PBX3: variants seen among roughly 807,000 people sequenced by gnomAD.
PBX3 encodes pre-B-cell leukemia transcription factor 3.
In PBX3, 14 loss-of-function variants were observed where a neutral mutation model predicts 48.5. The observed-to-expected ratio is 0.29, with a 90% CI of 0.19 to 0.45. The LOEUF (loss-of-function observed/expected upper bound fraction) is 0.45. Ranked by LOEUF, PBX3 falls within the 20% of genes least tolerant of loss-of-function variation. The pLI is 1.00. For missense variants in PBX3, 386 were observed against 546.7 expected, an observed-to-expected ratio of 0.71 and a Z score of 2.93; for synonymous variants, 210 against 200.3, an observed-to-expected ratio of 1.05 and a Z score of -0.41.
chr9:125,949,377 G>A (rs1216741157), intron 5 of PBX3: 4 of 1,550,574 alleles, frequency 2.6e-6, no homozygotes, highest in Non-Finnish European at 2.6e-6. Context: ...CGGGCATACA[G>A]AGTCTTGTAA....
At chr9:125,915,500 C>T (rs767892688) in intron 2 of PBX3, among the ~76,000 whole-genome samples, 186 bp from the exon 3 acceptor site, 17 of 152,078 alleles carry the variant, frequency 1.1e-4, no homozygotes, top group Non-Finnish European at 5.9e-5. Context: ...CATGTAAACA[C>T]TATCTTAAAA....
At chr9:125,855,602 G>C (rs1346590798) in intron 2 of PBX3, among the ~76,000 whole-genome samples, 4 of 152,034 alleles carry the variant, frequency 2.6e-5, no homozygotes, top group African/African-American at 9.7e-5. Flanking sequence ...TCAAAACTAT[G>C]CTTTTGCTAG....
chr9:125,790,115 A>C (rs886636254), intron 2 of PBX3, among the ~76,000 whole-genome samples: 1 of 152,254 alleles, frequency 6.6e-6, no homozygotes, highest in African/African-American at 2.4e-5. Flanking sequence ...GTGTATAATA[A>C]GAAAGTGGGA....
In PBX3 at chr9:125,856,393, T is replaced by G. The variant is rs180754918; in HGVS notation, c.275-59293T>G. ...TGTGATACAGTTATTGACTCTAATC[T>G]GGGCATAAACACAAGTCCTCAAGCA... On this transcript the variant is annotated intron_variant, in intron 2 of 8. Coordinates refer to ENST00000373489, the MANE Select transcript of PBX3 (RefSeq NM_006195.6). 5.3e-5 allele frequency among the ~76,000 whole-genome samples: 8 copies of G among 152,246 alleles called. No homozygotes were observed. The East Asian group carries it at 1.5e-3, about 29-fold the overall frequency.
At chr9:125,937,929 G>A (rs1453267861) in intron 5 of PBX3, among the ~76,000 whole-genome samples, 1 of 152,108 alleles carries the variant, frequency 6.6e-6, no homozygotes, top group Non-Finnish European at 1.5e-5. Flanking sequence ...CCAAAGTGCT[G>A]GGATTACAGG....
At chr9:125,954,997 G>C (rs564314157) in intron 5 of PBX3, among the ~76,000 whole-genome samples, 1 of 152,306 alleles carries the variant, frequency 6.6e-6, no homozygotes, top group African/African-American at 2.4e-5. Flanking sequence ...ATGAAAAATT[G>C]TAGATGCCAA....
At chr9:125,942,459 A>G (rs1253753505) in intron 5 of PBX3, among the ~76,000 whole-genome samples, 1 of 152,242 alleles carries the variant, frequency 6.6e-6, no homozygotes, top group Non-Finnish European at 1.5e-5. Context: ...CAGTAAGCTA[A>G]TTAAAATTTG....
intron 2 of PBX3, among the ~76,000 whole-genome samples, chr9:125,784,728 G>A (rs1446822869): frequency 6.6e-6 from 1 of 152,090 alleles, no homozygotes; most frequent in Non-Finnish European, 1.5e-5. Flanking sequence ...AAAGAAGAAA[G>A]GAAAAAAGGG....
At chr9:125,862,459 T>C (rs1839883400) in intron 2 of PBX3, among the ~76,000 whole-genome samples, 1 of 152,154 alleles carries the variant, frequency 6.6e-6, no homozygotes, top group Non-Finnish European at 1.5e-5. Context: ...CAATCTCGGC[T>C]CACTACAATC....
chr9:125,809,639 C>T (rs1012844718), intron 2 of PBX3, among the ~76,000 whole-genome samples: 1 of 151,962 alleles, frequency 6.6e-6, no homozygotes, highest in African/African-American at 2.4e-5. Flanking sequence ...ATATCTGTGA[C>T]CTCAGGGTGG....
At chr9:125,797,259 G>A (rs569564009) in intron 2 of PBX3, 76 of 152,140 alleles carry the variant, frequency 5.0e-4, no homozygotes, top group African/African-American at 1.8e-3. Context: ...TTTGAAATAA[G>A]GAAGAAGTTT....
At chr9:125,954,073 A>C (rs564096052) in intron 5 of PBX3, among the ~76,000 whole-genome samples, 2 of 152,214 alleles carry the variant, frequency 1.3e-5, no homozygotes, top group East Asian at 3.9e-4. Context: ...TTCTTACTTT[A>C]TGAAAGAAAG....
intron 2 of PBX3, among the ~76,000 whole-genome samples, chr9:125,765,441 C>T (rs915845631): frequency 2.0e-5 from 3 of 152,026 alleles, no homozygotes. Flanking sequence ...TGAGGCACAG[C>T]GCCCGACCAA....
intron 2 of PBX3, among the ~76,000 whole-genome samples, chr9:125,786,125 G>A (rs1186871094): frequency 6.6e-6 from 1 of 152,174 alleles, no homozygotes; most frequent in African/African-American, 2.4e-5. Context: ...GGGGAAATTA[G>A]TTTGAATATG....
At chr9:125,810,590 T>A (rs1387319587) in intron 2 of PBX3, among the ~76,000 whole-genome samples, 1 of 152,200 alleles carries the variant, frequency 6.6e-6, no homozygotes, top group African/African-American at 2.4e-5. Flanking sequence ...AGTGGACTTG[T>A]GGACATTTTT....
chr9:125,851,901 G>A (rs1214178678), intron 2 of PBX3, among the ~76,000 whole-genome samples: 1 of 138,012 alleles, frequency 7.2e-6, no homozygotes, highest in African/African-American at 2.8e-5. Flanking sequence ...CAAAGAGGCA[G>A]CTCCATTTTA....
intron 2 of PBX3, among the ~76,000 whole-genome samples, chr9:125,834,168 G>A (rs1339770003): frequency 4.6e-5 from 7 of 152,172 alleles, no homozygotes; most frequent in Admixed American, 4.6e-4. Flanking sequence ...TAATTTCGAA[G>A]CATGATAAAC....
At chr9:125,867,218 C>G (rs1840003172) in intron 2 of PBX3, among the ~76,000 whole-genome samples, 1 of 151,616 alleles carries the variant, frequency 6.6e-6, no homozygotes, top group South Asian at 2.1e-4. Context: ...CCGGTCCTCC[C>G]TGAAGTATTA....
chr9:125,920,187 T>A (rs1841427326), intron 3 of PBX3, among the ~76,000 whole-genome samples: 1 of 152,226 alleles, frequency 6.6e-6, no homozygotes, highest in Admixed American at 6.5e-5. Flanking sequence ...CGGCAAACTG[T>A]CTTATAGTAC....
Sources: gnomAD v4.1 joint callset for allele counts (sites outside exome capture counted in the v4.1 genomes callset) on GRCh38, gnomAD v4.1.1 for gene constraint, MANE v1.5 for transcripts, NCBI Gene and HGNC (gene_info 2026-07-23, HGNC 2026-07-21) for gene names.